The following PPM1L variants were observed in gnomAD, a reference collection of about 807,000 sequenced individuals.
PPM1L encodes the protein protein phosphatase, Mg2+/Mn2+ dependent 1L, also known as protein phosphatase 1L.
PPM1L carries 13 observed loss-of-function variants against 31.4 expected under a neutral mutation model. The observed-to-expected ratio is 0.41, with a 90% CI of 0.27 to 0.66. The LOEUF (loss-of-function observed/expected upper bound fraction) is 0.66, where lower values mean the gene tolerates loss of function less well. PPM1L is among the 30% of genes least tolerant of loss of function. The pLI, the probability that PPM1L is intolerant of heterozygous loss-of-function variation, is 0.29. For missense variants in PPM1L, 326 were observed against 453.7 expected (o/e 0.72, Z 2.56); for synonymous variants, 184 against 175.4 (o/e 1.05, Z -0.39).
intron 2 of PPM1L, among the ~76,000 whole-genome samples, chr3:160,973,767 T>TTA (rs1188573640): frequency 4.7e-5 from 2 of 42,356 alleles, no homozygotes; most frequent in Non-Finnish European, 7.8e-5. Flanking sequence ...AGGCCCTGTT[T>TTA]TTTTTTTTTT....
At chr3:160,908,246 A>G (rs1208163721) in intron 1 of PPM1L, among the ~76,000 whole-genome samples, 2 of 152,168 alleles carry the variant, frequency 1.3e-5, no homozygotes, top group African/African-American at 4.8e-5. Context: ...GTAGTAGGCT[A>G]TATTTATATT....
chr3:160,953,756 A>G (rs946872153), intron 1 of PPM1L, among the ~76,000 whole-genome samples: 6 of 152,334 alleles, frequency 3.9e-5, no homozygotes, highest in East Asian at 1.9e-4. Context: ...TCCCTAAAAT[A>G]TGGAGAGATG....
At chr3:160,842,046 T>C (rs191949317) in intron 1 of PPM1L, among the ~76,000 whole-genome samples, 1 of 152,224 alleles carries the variant, frequency 6.6e-6, no homozygotes, top group East Asian at 1.9e-4. Flanking sequence ...AGTTAAGACA[T>C]AGAAATAAGA....
intron 1 of PPM1L, among the ~76,000 whole-genome samples, chr3:160,925,591 C>A (rs1364223057): frequency 6.6e-6 from 1 of 152,056 alleles, no homozygotes; most frequent in Admixed American, 6.5e-5. Flanking sequence ...AGTAGAAGAC[C>A]AACTCTTAAT....
chr3:161,055,529 A>G (rs1032800978), intron 2 of PPM1L, among the ~76,000 whole-genome samples: 4 of 152,128 alleles, frequency 2.6e-5, no homozygotes, highest in African/African-American at 9.7e-5. Flanking sequence ...GATGTCATCT[A>G]TGCCCTGAAA....
At position 160,831,408 on chromosome 3, in the gene PPM1L, C is replaced by T. The variant is rs1239090052; in HGVS notation, c.399+74701C>T. 1.7e-4 allele frequency among the ~76,000 whole-genome samples: 26 copies of T among 152,006 alleles called. 1 individual carries two copies. ...TTTGTCAGTAACCCTTTTTAATGCC[C>T]CAGTATCATGATCTAATTTGAGTGG... On this transcript the variant is annotated intron_variant, in intron 1 of 3. Transcript: ENST00000498165.
chr3:161,018,908 A>T (rs1228148462), intron 2 of PPM1L, among the ~76,000 whole-genome samples: 1 of 152,126 alleles, frequency 6.6e-6, no homozygotes, highest in African/African-American at 2.4e-5. Flanking sequence ...TCACTATTTG[A>T]CATTATATTA....
chr3:161,003,052 CAT>C (rs1186953463), intron 2 of PPM1L, among the ~76,000 whole-genome samples: 9 of 150,606 alleles, frequency 6.0e-5, no homozygotes, highest in Non-Finnish European at 1.3e-4. Flanking sequence ...CAGCTTTCTA[CAT>C]ATGGCTAGCC....
At chr3:160,988,898 CATG>C (rs1434081302) in intron 2 of PPM1L, among the ~76,000 whole-genome samples, 5 of 152,114 alleles carry the variant, frequency 3.3e-5, no homozygotes, top group Non-Finnish European at 5.9e-5. Flanking sequence ...CTGTGGTTCT[CATG>C]AGCAATAGAT....
chr3:161,044,872 G>A lies in PPM1L; in HGVS notation c.575-20531G>A, dbSNP rs867426072. ...ACCCATCAGTGTGCTATATTCAGCA[G>A]ACCCATCTCACGTGCAGAGACACAC... is the stretch of plus-strand genomic sequence containing the variant. On this transcript the variant is annotated intron_variant, in intron 2 of 3. Coordinates refer to ENST00000498165, the MANE Select transcript of PPM1L (RefSeq NM_139245.4). Among the ~76,000 whole-genome samples the A allele has an allele frequency of 2.6e-5, 4 of 152,214 alleles. No homozygotes were observed. The South Asian group carries it at 6.2e-4, about 24-fold the overall frequency.
chr3:160,878,650 A>T (rs1437804360), intron 1 of PPM1L, among the ~76,000 whole-genome samples: 1 of 152,216 alleles, frequency 6.6e-6, no homozygotes, highest in Non-Finnish European at 1.5e-5. Flanking sequence ...TTTTGGGGCG[A>T]CACAAACATT....
intron 1 of PPM1L, among the ~76,000 whole-genome samples, chr3:160,893,013 C>CAT (rs1021445377): frequency 6.6e-6 from 1 of 152,014 alleles, no homozygotes; most frequent in African/African-American, 2.4e-5. Context: ...ATATACATGT[C>CAT]ATATATATAT....
At chr3:161,013,817 G>A (rs765259261) in intron 2 of PPM1L, among the ~76,000 whole-genome samples, 1 of 152,156 alleles carries the variant, frequency 6.6e-6, no homozygotes, top group African/African-American at 2.4e-5. Context: ...TTGGTTTAAA[G>A]TCTGTTTTAT....
chr3:160,859,700 G>A (rs1446750088), intron 1 of PPM1L, among the ~76,000 whole-genome samples: 1 of 152,166 alleles, frequency 6.6e-6, no homozygotes, highest in Non-Finnish European at 1.5e-5. Context: ...CTTCTGAATT[G>A]TGTACACAAA....
rs535612297 is a variant in PPM1L, at chr3:161,016,579, T to TAA, written c.575-48822_575-48821dup. Among the ~76,000 whole-genome samples the TAA allele has an allele frequency of 1.0e-3, 156 of 152,342 alleles. 1 individual carries two copies. The highest frequency in any genetic ancestry group is 3.5e-3 in the African/African-American group (145 of 41,580). ...GGCTGAAGTTTCTAGTAGGCAGTTC[T>TAA]AAATGCGGCTTATAAGATAGATGAG... On this transcript the variant is annotated intron_variant, in intron 2 of 3. Transcript: ENST00000498165.
At chr3:160,961,643 T>G in intron 1 of PPM1L, 93 bp from the exon 2 acceptor site, 1 of 1,151,676 alleles carries the variant, frequency 8.7e-7, no homozygotes. Flanking sequence ...TTCACAGTGC[T>G]TTGAGCTTTC....
Position 160,891,188 on chromosome 3 carries a change from A to G in PPM1L, c.400-70548A>G, listed in dbSNP as rs559272934. Among the ~76,000 whole-genome samples the G allele has an allele frequency of 3.3e-5, 5 of 152,322 alleles. No homozygotes were observed. In the East Asian group the frequency reaches 9.6e-4, roughly 29 times the overall value. On this transcript the variant is annotated intron_variant, in intron 1 of 3. Coordinates refer to ENST00000498165, the MANE Select transcript of PPM1L (RefSeq NM_139245.4). ...GAAACTATCATCAGAGTGAACAGGTAACCTTCAGAATGGGAGAAAATGTTT... is the reference window on the plus strand; with the variant it reads ...GAAACTATCATCAGAGTGAACAGGTGACCTTCAGAATGGGAGAAAATGTTT...
intron 1 of PPM1L, among the ~76,000 whole-genome samples, chr3:160,811,273 C>T (rs1712796574): frequency 6.6e-6 from 1 of 152,212 alleles, no homozygotes; most frequent in African/African-American, 2.4e-5. Context: ...TCTTTTCTCC[C>T]CGTCTTGAAA....
At chr3:161,042,044 A>G (rs1014866178) in intron 2 of PPM1L, among the ~76,000 whole-genome samples, 1 of 152,090 alleles carries the variant, frequency 6.6e-6, no homozygotes, top group Non-Finnish European at 1.5e-5. Flanking sequence ...ATACTCATAC[A>G]TGCACGCAAT....
Sources: gnomAD v4.1 joint callset for allele counts (sites outside exome capture counted in the v4.1 genomes callset) on GRCh38, gnomAD v4.1.1 for gene constraint, MANE v1.5 for transcripts, NCBI Gene and HGNC (gene_info 2026-07-23, HGNC 2026-07-21) for gene names.